SIGLEC8: variants seen among roughly 807,000 people sequenced by gnomAD.
The protein encoded by SIGLEC8 is sialic acid binding Ig like lectin 8.
SIGLEC8 carries 32 observed loss-of-function variants against 42.1 expected under a neutral mutation model. That is an observed-to-expected ratio of 0.76 (90% CI 0.57 to 1.02). The LOEUF (loss-of-function observed/expected upper bound fraction) is 1.02, where lower values mean the gene tolerates loss of function less well. Ranked by LOEUF, SIGLEC8 falls within the 50% of genes least tolerant of loss-of-function variation. The pLI, the probability that SIGLEC8 is intolerant of heterozygous loss-of-function variation, is 0.00. For missense variants in SIGLEC8, 611 were observed against 610.2 expected, an observed-to-expected ratio of 1.00 and a Z score of -0.01; for synonymous variants, 262 against 260.3, an observed-to-expected ratio of 1.01 and a Z score of -0.06.
In SIGLEC8 at chr19:51,457,650, T is replaced by A. The variant is rs750933646; in HGVS notation, c.544A>T (p.Lys182Ter). 4 of 1,611,306 alleles carry A rather than the reference T, an allele frequency of 2.5e-6. No homozygotes were observed. Among genetic ancestry groups the A allele is most frequent in the Non-Finnish European group, 3.4e-6 (4 of 1,178,618 alleles). Residue 182 changes from lysine (K) to a stop codon, truncating the protein, a stop_gained, in exon 2 of 7, where the codon AAG becomes TAG. Coordinates refer to ENST00000321424, the MANE Select transcript of SIGLEC8 (RefSeq NM_014442.3). LOFTEE classifies it high-confidence loss of function. Reference protein sequence around the residue: ...NLTCSVPWACKQGTPPMISWI... With the variant: ...NLTCSVPWAC The stretch of plus-strand genomic sequence containing the variant: ...GAGATCATGGGGGGTGTCCCCTGCT[T>A]ACAGGCCCAGGGCACAGAGCAGGTC...
Position 51,458,014 on chromosome 19 carries a change from C to A in SIGLEC8, c.374G>T (p.Arg125Leu). The change falls in exon 1 of 7, where the codon CGG becomes CTG. Residue 125 changes from arginine (R) to leucine (L), a missense_variant. Arg to Leu is a moderately radical substitution (Grantham distance 102). Transcript: ENST00000321424. ...CCATTTCATGCTTCCTCTCTCTAGC[C>A]GAAAGAAATATGACCCCTTATCCCT... ...RKRDKGSYFF[R>L]LERGSMKWSY... 1 of 1,614,114 alleles carries A rather than the reference C, an allele frequency of 6.2e-7. No homozygotes were observed. Among genetic ancestry groups the A allele is most frequent in the Non-Finnish European group, 8.5e-7 (1 of 1,180,000 alleles).
rs1184876706 is a variant in SIGLEC8, at chr19:51,454,694, T to C, written c.1138A>G (p.Ile380Val). The C allele has an allele frequency of 1.2e-6, 2 of 1,612,968 alleles. No homozygotes were observed. The highest frequency in any genetic ancestry group is 1.1e-5 in the South Asian group (1 of 91,058). The change falls in exon 5 of 7, where the codon ATC (isoleucine) becomes GTC (valine). Residue 380 changes from isoleucine to valine, a missense_variant. Coordinates refer to ENST00000321424, the MANE Select transcript of SIGLEC8 (RefSeq NM_014442.3). The surrounding 1 kb of genome is among the most constrained non-coding windows in gnomAD (Gnocchi z 4.7). ...AGGGTCAATGCTCACATGATGAAGA[T>C]GATGCAGAAGGACAGGAAGGCCAGG... is the stretch of plus-strand genomic sequence containing the variant. The part of the protein sequence containing the change: ...TALAFLSFCI[I>V]FIIVRSCRKK...
At chr19:51,457,372 A>G (rs529077389) in intron 2 of SIGLEC8, 89 bp downstream of exon 2, 2 of 1,535,114 alleles carry the variant, frequency 1.3e-6, no homozygotes, top group Non-Finnish European at 1.8e-6. Flanking sequence ...GGGACCCAGA[A>G]CCCAGTGTCC....
intron 3 of SIGLEC8, 81 bp from the exon 4 acceptor site, chr19:51,455,768 A>G (rs1989476411): frequency 4.8e-6 from 6 of 1,253,466 alleles, no homozygotes; most frequent in Non-Finnish European, 6.8e-6. Context: ...ATAAAGACAC[A>G]TGCACATGTA....
chr19:51,457,345 C>T (rs575961182), intron 2 of SIGLEC8, 114 bp from the exon 3 acceptor site: 367 of 1,503,440 alleles, frequency 2.4e-4, no homozygotes, highest in South Asian at 3.6e-4. Context: ...CCTGACCCCA[C>T]TCCCAGCCCA....
chr19:51,455,465 C>A lies in SIGLEC8; in HGVS notation c.1004G>T (p.Gly335Val). 1 of 1,614,112 alleles carries A rather than the reference C, an allele frequency of 6.2e-7. No individual in the cohort carries two copies. Among genetic ancestry groups the A allele is most frequent in the Non-Finnish European group, 8.5e-7 (1 of 1,179,998 alleles). ...EFTCRAQNAQ[G>V]SQHISLSLSL... ...GAGGCTCAGGGAAATGTGCTGGGAG[C>A]CCTGAGCGTTCTGAGCTCGGCAGGT... The change falls in exon 4 of 7, where the codon GGC (glycine) becomes GTC (valine). Residue 335 changes from glycine (G) to valine (V), a missense_variant. By Grantham distance (109) the Gly-to-Val change is moderately radical. Coordinates refer to ENST00000321424, the MANE Select transcript of SIGLEC8 (RefSeq NM_014442.3).
chr19:51,452,782 T>C, intron 6 of SIGLEC8, 149 bp from the exon 7 acceptor site: 1 of 628,754 alleles, frequency 1.6e-6, no homozygotes, highest in Non-Finnish European at 2.4e-6. Flanking sequence ...CTCCAACATT[T>C]AACACTTACT....
Position 51,452,589 on chromosome 19 carries a change from C to A in SIGLEC8, c.1290G>T (p.Lys430Asn). 1 of 1,571,610 alleles carries A rather than the reference C, an allele frequency of 6.4e-7. No individual in the cohort carries two copies. Among genetic ancestry groups the A allele is most frequent in the Non-Finnish European group, 8.7e-7 (1 of 1,153,332 alleles). Residue 430 changes from lysine (K) to asparagine (N), a missense_variant, in exon 7 of 7, where the codon AAG (lysine) becomes AAT (asparagine). Physicochemically the swap from Lys to Asn is moderately conservative, Grantham distance 94 (BLOSUM62 0). Transcript: ENST00000321424. ...ESWKDGNPLK[K>N]PPPAVAPSSG... The stretch of plus-strand genomic sequence containing the variant: ...ACGAGGGGGCAACAGCTGGGGGAGG[C>A]TTCTTCAGGGGGTTGCCATCTTTCC...
At position 51,454,237 on chromosome 19, in the gene SIGLEC8, G is replaced by C; in HGVS notation, c.1227C>G (p.Ile409Met). The C allele has an allele frequency of 1.9e-6, 3 of 1,614,158 alleles. No individual in the cohort carries two copies. Among genetic ancestry groups the C allele is most frequent in the Non-Finnish European group, 2.5e-6 (3 of 1,180,010 alleles). The change falls in exon 6 of 7, where the codon ATC becomes ATG. Residue 409 changes from isoleucine to methionine, a missense_variant. Transcript: ENST00000321424. This position sits in a 1 kb window ranked among gnomAD's most constrained non-coding sequence, Gnocchi z 4.7. ...GDTGMEDAKA[I>M]RGSASQGPLT... ...CACTCACCTGAGAGGCCGAGCCCCTGATGGCCTTTGCATCTTCCATGCCTG... is the reference window on the plus strand; with the variant it reads ...CACTCACCTGAGAGGCCGAGCCCCTCATGGCCTTTGCATCTTCCATGCCTG...
rs142413892 is a variant in SIGLEC8, at chr19:51,457,675, C to G, written c.519G>C (p.Leu173=). The part of the protein sequence containing the change: ...GTLESGHSRN[L]TCSVPWACKQ... Reference sequence around the variant, plus strand: ...TACAGGCCCAGGGCACAGAGCAGGTCAGGTTCCTGGAGTGGCCAGACTCTA... The same window carrying G: ...TACAGGCCCAGGGCACAGAGCAGGTGAGGTTCCTGGAGTGGCCAGACTCTA... The change falls in exon 2 of 7, where the codon CTG becomes CTC. Residue 173 remains leucine, a synonymous_variant. Coordinates refer to ENST00000321424, the MANE Select transcript of SIGLEC8 (RefSeq NM_014442.3). The G allele has an allele frequency of 5.2e-5, 83 of 1,609,016 alleles. No individual in the cohort carries two copies. The African/African-American group carries it at 1.0e-3, about 20-fold the overall frequency.
rs958549855 is a variant in SIGLEC8 at position 51,451,120 on chromosome 19, A to T, written c.*1259T>A. ...TCTTACATGGTGGCAGGCAAGAGAG[A>T]AGAGCAGGGGAAACCACCACTTACA... On this transcript the variant is annotated 3_prime_UTR_variant, in exon 7 of 7. Transcript: ENST00000321424. The T allele has an allele frequency of 2.6e-5, 4 of 152,066 alleles. No homozygotes were observed. Among genetic ancestry groups the T allele is most frequent in the African/African-American group, 9.7e-5 (4 of 41,388 alleles). The allele number at this position is 152,066 out of a possible 1,614,324, so 9.4% of individuals were successfully genotyped here. A position where few individuals can be genotyped will look rare whatever the true frequency, so the allele number is the denominator to read the frequency against.
Position 51,454,461 on chromosome 19 carries a change from G to T in SIGLEC8, c.1149-146C>A. On this transcript the variant is annotated intron_variant, in intron 5 of 6. Transcript: ENST00000321424. This position sits in a 1 kb window ranked among gnomAD's most constrained non-coding sequence, Gnocchi z 4.7. The stretch of plus-strand genomic sequence containing the variant: ...GTCCAGTTCCAGAGACCCCAACGGT[G>T]AAAACAGAGGCTCCTGCCTCATGGA... The T allele has an allele frequency of 6.9e-7, 1 of 1,457,588 alleles. No homozygotes were observed. The highest frequency in any genetic ancestry group is 1.2e-5 in the South Asian group (1 of 81,970). 90.3% of individuals were successfully genotyped at this position (1,457,588 alleles called of 1,614,324 possible).
Position 51,457,492 on chromosome 19 carries a change from G to A in SIGLEC8, c.702C>T (p.Thr234=), listed in dbSNP as rs978557274. 7 of 1,613,794 alleles carry A rather than the reference G, an allele frequency of 4.3e-6. No individual in the cohort carries two copies. The highest frequency in any genetic ancestry group is 5.9e-6 in the Non-Finnish European group (7 of 1,180,012). Residue 234 remains threonine, a synonymous_variant, in exon 2 of 7, where the codon ACC becomes ACT. Coordinates refer to ENST00000321424, the MANE Select transcript of SIGLEC8 (RefSeq NM_014442.3). ...CATCGAGGCGGACGGTACTGGTCGT[G>A]GTCACACCTGTCCCAGGCAAGGTCA... ...CQVTLPGTGV[T]TTSTVRLDVS...
chr19:51,458,126 C>G lies in SIGLEC8; in HGVS notation c.262G>C (p.Val88Leu), dbSNP rs1243862581. The change falls in exon 1 of 7, where the codon GTG becomes CTG. Residue 88 changes from valine (V) to leucine (L), a missense_variant. Val to Leu is a conservative substitution (Grantham distance 32). Coordinates refer to ENST00000321424, the MANE Select transcript of SIGLEC8 (RefSeq NM_014442.3). ...AATCGGCCCTGGGTCTCTGCCTGCA[C>G]TTCTCTGTCTGGGTTGTTTGTGGCC... Reference protein sequence around the residue: ...PVATNNPDREVQAETQGRFQL... With the variant: ...PVATNNPDRELQAETQGRFQL... The G allele has an allele frequency of 6.2e-7, 1 of 1,614,180 alleles. No individual in the cohort carries two copies.
In SIGLEC8 at chr19:51,457,126, C is replaced by T. The variant is rs555704175; in HGVS notation, c.781+58G>A. ...GATTCCAGGATGAGGAGAGACCCAGCCCCATCCTGAGCTGAAGGCCCTGCT... is the reference window on the plus strand; with the variant it reads ...GATTCCAGGATGAGGAGAGACCCAGTCCCATCCTGAGCTGAAGGCCCTGCT... On this transcript the variant is annotated intron_variant, in intron 3 of 6. Coordinates refer to ENST00000321424, the MANE Select transcript of SIGLEC8 (RefSeq NM_014442.3). The T allele has an allele frequency of 4.4e-5, 64 of 1,454,890 alleles. 1 individual carries two copies. The highest frequency in any genetic ancestry group is 2.5e-4 in the Admixed American group (15 of 59,778). The allele number at this position is 1,454,890 out of a possible 1,614,324, so 90.1% of individuals were successfully genotyped here.
rs1313835068 is a variant in SIGLEC8 at position 51,454,194 on chromosome 19, G to C, written c.1245+25C>G. 3 of 1,613,722 alleles carry C rather than the reference G, an allele frequency of 1.9e-6. No homozygotes were observed. Among genetic ancestry groups the C allele is most frequent in the Non-Finnish European group, 2.5e-6 (3 of 1,179,834 alleles). ...CAGAGGTGTCCAGGCTGGATGCTCGGTGTGGAGAAGCCCACATCACTCACC... is the reference window on the plus strand; with the variant it reads ...CAGAGGTGTCCAGGCTGGATGCTCGCTGTGGAGAAGCCCACATCACTCACC... On this transcript the variant is annotated intron_variant, in intron 6 of 6. Transcript: ENST00000321424. This position sits in a 1 kb window ranked among gnomAD's most constrained non-coding sequence, Gnocchi z 4.7.
chr19:51,453,468 C>A, intron 6 of SIGLEC8: 1 of 842,494 alleles, frequency 1.2e-6, no homozygotes, highest in Non-Finnish European at 1.4e-6. Flanking sequence ...GAGGCTGAGG[C>A]GGGCGGATCA....
At position 51,454,931 on chromosome 19, in the gene SIGLEC8, C is replaced by A. The variant is rs1396961604; in HGVS notation, c.1052-151G>T. ...TGGGAGGGAGGAAAGGAGACTACTT[C>A]TGAGGCCAGTGAGGCATGAGAGTGC... On this transcript the variant is annotated intron_variant, in intron 4 of 6. Coordinates refer to ENST00000321424, the MANE Select transcript of SIGLEC8 (RefSeq NM_014442.3). The surrounding 1 kb of genome is among the most constrained non-coding windows in gnomAD (Gnocchi z 4.7). 8.1e-6 allele frequency: 5 copies of A among 621,080 alleles called. No homozygotes were observed. The highest frequency in any genetic ancestry group is 1.2e-5 in the Non-Finnish European group (4 of 344,572). The allele number at this position is 621,080 out of a possible 1,614,324, so 38.5% of individuals were successfully genotyped here. A position where few individuals can be genotyped will look rare whatever the true frequency, so the allele number is the denominator to read the frequency against.
rs1718537680 is a variant in SIGLEC8, at chr19:51,452,488, T to G, written c.1391A>C (p.Glu464Ala). 4.3e-6 allele frequency: 7 copies of G among 1,612,028 alleles called. No individual in the cohort carries two copies. In the African/African-American group the frequency reaches 8.0e-5, roughly 18 times the overall value. ...KVKPQDPQGQ[E>A]ATDSEYSEIK... Reference sequence around the variant, plus strand: ...CTCCGAGTATTCACTGTCAGTGGCCTCCTGTCCCTGCGGGTCCTGAGGCTT... The same window carrying G: ...CTCCGAGTATTCACTGTCAGTGGCCGCCTGTCCCTGCGGGTCCTGAGGCTT... The change falls in exon 7 of 7, where the codon GAG becomes GCG. Residue 464 changes from glutamate to alanine, a missense_variant. Coordinates refer to ENST00000321424, the MANE Select transcript of SIGLEC8 (RefSeq NM_014442.3).
Sources: allele counts gnomAD v4.1 joint callset, GRCh38; gene constraint gnomAD v4.1.1; non-coding constraint Gnocchi (gnomAD v3.1); transcripts MANE v1.5; gene names NCBI Gene and HGNC (gene_info 2026-07-23, HGNC 2026-07-21).